Variants in ALG1L2 observed in about 807,000 individuals in gnomAD.
ALG1L2 encodes the protein ALG1 chitobiosyldiphosphodolichol beta-mannosyltransferase like 2.
A neutral mutation model predicts 29.0 loss-of-function variants in ALG1L2; 32 were observed. That is an observed-to-expected ratio of 1.10 (90% confidence interval 0.83 to 1.48). The LOEUF (loss-of-function observed/expected upper bound fraction) is 1.48. ALG1L2 is among the 40% of genes most tolerant of loss of function. The pLI is 0.00. For synonymous variants in ALG1L2, 110 were observed against 109.5 expected (o/e 1.00, Z -0.03); for missense variants, 318 against 274.1 (o/e 1.16, Z -1.13).
At chr3:130,095,414 TATTA>T (rs1935109115) in intron 5 of ALG1L2, among the ~76,000 whole-genome samples, 1 of 43,126 alleles carries the variant, frequency 2.3e-5, no homozygotes, top group African/African-American at 4.8e-5. Flanking sequence ...TGTGGTTTAT[TATTA>T]TTATTATTAT....
chr3:130,092,301 C>T, intron 3 of ALG1L2, 79 bp downstream of exon 3: 7 of 1,586,896 alleles, frequency 4.4e-6, no homozygotes, highest in Non-Finnish European at 6.0e-6. Context: ...CCCTGCCAGT[C>T]CTGCATGCCC....
In ALG1L2 at chr3:130,093,661, T is replaced by A. The variant is rs547809677; in HGVS notation, c.313+501T>A. Among the ~76,000 whole-genome samples the A allele has an allele frequency of 2.6e-5, 4 of 152,276 alleles. No individual in the cohort carries two copies. The South Asian group carries it at 8.3e-4, about 32-fold the overall frequency. On this transcript the variant is annotated intron_variant, in intron 4 of 7. Transcript: ENST00000425059. ...CTGGTCTTGAACTCCTGACCTCAGG[T>A]GATCCACCCGCCTTGGCCTCCCAAT...
At chr3:130,083,910 A>C (rs1934837953) in intron 1 of ALG1L2, among the ~76,000 whole-genome samples, 1 of 150,906 alleles carries the variant, frequency 6.6e-6, no homozygotes, top group Admixed American at 6.6e-5. Flanking sequence ...TGTGGGGTAC[A>C]GGAAGATAGA....
chr3:130,096,180 A>C lies in ALG1L2; in HGVS notation c.539+17A>C. 1 of 1,610,946 alleles carries C rather than the reference A, an allele frequency of 6.2e-7. No individual in the cohort carries two copies. Among genetic ancestry groups the C allele is most frequent in the Non-Finnish European group, 8.5e-7 (1 of 1,179,378 alleles). On this transcript the variant is annotated intron_variant, in intron 6 of 7. Transcript: ENST00000425059. ...CTTCAAGTGGTAGGAGCAGAACCCGAATTTTTTCTGGGGATAGCTTCACAG... is the reference window on the plus strand; with the variant it reads ...CTTCAAGTGGTAGGAGCAGAACCCGCATTTTTTCTGGGGATAGCTTCACAG...
Position 130,098,293 on chromosome 3 carries a change from C to A in ALG1L2, c.*38C>A, listed in dbSNP as rs574907147. 1.4e-4 allele frequency: 224 copies of A among 1,596,388 alleles called. 2 individuals carry two copies. In the South Asian group the frequency reaches 2.2e-3, roughly 16 times the overall value. On this transcript the variant is annotated 3_prime_UTR_variant, in exon 8 of 8. Transcript: ENST00000425059. ...GCTAAACCAGTTCCGGAAGAACCTG[C>A]GGGAGTCGCAGCAGCTCTGATGGGA... is the stretch of plus-strand genomic sequence containing the variant.
At chr3:130,088,268 T>C (rs1229878493) in intron 1 of ALG1L2, among the ~76,000 whole-genome samples, 2 of 152,300 alleles carry the variant, frequency 1.3e-5, no homozygotes, top group African/African-American at 2.4e-5. Flanking sequence ...GTAAGTGATA[T>C]GGTGTGGCTG....
chr3:130,091,840 G>A (rs1935020246), intron 2 of ALG1L2: 1 of 699,316 alleles, frequency 1.4e-6, no homozygotes, highest in South Asian at 1.5e-5. Flanking sequence ...CCTCATCTTG[G>A]GTCCAGGGGA....
chr3:130,086,212 C>T (rs562727626), intron 1 of ALG1L2, among the ~76,000 whole-genome samples: 4 of 151,136 alleles, frequency 2.6e-5, no homozygotes, highest in Non-Finnish European at 5.9e-5. Flanking sequence ...TCAGGGGATG[C>T]CTTCCAGCTG....
intron 5 of ALG1L2, among the ~76,000 whole-genome samples, chr3:130,095,247 T>G (rs995975915): frequency 1.3e-5 from 2 of 152,040 alleles, no homozygotes; most frequent in Non-Finnish European, 2.9e-5. Flanking sequence ...GCCAGGCTGG[T>G]CTTGAACTCC....
At chr3:130,093,952 T>A in intron 4 of ALG1L2, 1 of 239,626 alleles carries the variant, frequency 4.2e-6, no homozygotes, top group Non-Finnish European at 8.3e-6. Context: ...CTCTGGAGGC[T>A]GTGGCAGGGC....
In ALG1L2 at chr3:130,098,157, G is replaced by A. The variant is rs1021658090; in HGVS notation, c.616-66G>A. On this transcript the variant is annotated intron_variant, in intron 7 of 7. Transcript: ENST00000425059. ...GGGGTTGTTGTTGGGTCGGGGAGCT[G>A]GGGTCATCCAGGTGGTGACCTGGGA... 5.0e-6 allele frequency: 8 copies of A among 1,591,568 alleles called. No individual in the cohort carries two copies. The African/African-American group carries it at 6.7e-5, about 13-fold the overall frequency.
intron 5 of ALG1L2, 86 bp from the exon 6 acceptor site, chr3:130,095,962 TC>T: frequency 2.8e-6 from 4 of 1,408,530 alleles, no homozygotes; most frequent in South Asian, 1.2e-5. Context: ...TTCACTCCCC[TC>T]GGGGGGTGTT....
chr3:130,091,091 G>A (rs1179633606), intron 1 of ALG1L2, 170 bp from the exon 2 acceptor site: 14 of 633,200 alleles, frequency 2.2e-5, no homozygotes, highest in African/African-American at 3.7e-5. Context: ...CCTTTCATTC[G>A]GTGATTCCTC....
chr3:130,091,218 C>T (rs1413023603), intron 1 of ALG1L2, 43 bp from the exon 2 acceptor site: 1 of 1,570,430 alleles, frequency 6.4e-7, no homozygotes, highest in Non-Finnish European at 8.6e-7. Flanking sequence ...AAGTAGCCTC[C>T]ATGCTGGACT....
intron 5 of ALG1L2, 114 bp from the exon 6 acceptor site, chr3:130,095,935 G>A (rs1052763732): frequency 2.1e-5 from 24 of 1,128,882 alleles, no homozygotes; most frequent in African/African-American, 1.7e-4. Context: ...TGGGGATGTC[G>A]GGGGCCTTAT....
intron 4 of ALG1L2, among the ~76,000 whole-genome samples, chr3:130,093,703 T>C (rs961735302): frequency 5.3e-5 from 8 of 152,164 alleles, no homozygotes; most frequent in African/African-American, 1.4e-4. Flanking sequence ...AAATTATAGA[T>C]ATGAACCACT....
At chr3:130,090,481 CA>C (rs1196600788) in intron 1 of ALG1L2, among the ~76,000 whole-genome samples, 23 of 152,416 alleles carry the variant, frequency 1.5e-4, no homozygotes, top group African/African-American at 5.5e-4. Flanking sequence ...GTAATTCCAG[CA>C]AATACACTCT....
intron 2 of ALG1L2, 195 bp from the exon 3 acceptor site, chr3:130,091,906 G>A (rs1935021758): frequency 6.8e-6 from 6 of 876,370 alleles, no homozygotes; most frequent in South Asian, 6.2e-5. Context: ...GTTTGCTGTT[G>A]TAACCTTAGC....
At chr3:130,086,070 G>A (rs1934883047) in intron 1 of ALG1L2, among the ~76,000 whole-genome samples, 1 of 151,718 alleles carries the variant, frequency 6.6e-6, no homozygotes, top group East Asian at 1.9e-4. Flanking sequence ...GAGGTCCCAG[G>A]TGGACAGAAA....
Sources: allele counts gnomAD v4.1 joint callset (sites outside exome capture counted in the v4.1 genomes callset), GRCh38; gene constraint gnomAD v4.1.1; transcripts MANE v1.5; gene names NCBI Gene and HGNC (gene_info 2026-07-23, HGNC 2026-07-21).